WDR47: variants seen among roughly 807,000 people sequenced by gnomAD.
The protein encoded by WDR47 is WD repeat-containing protein 47.
In WDR47, 32 loss-of-function variants were observed where a neutral mutation model predicts 97.2. The observed-to-expected ratio is 0.33, with a 90% CI of 0.25 to 0.44. WDR47 has a LOEUF of 0.44. Among genes scored for constraint, WDR47 ranks in the 20% least tolerant of loss-of-function variants. The pLI is 1.00. For missense variants in WDR47, 782 were observed against 1,102.3 expected (o/e 0.71, Z 4.11); for synonymous variants, 375 against 373.5 (o/e 1.00, Z -0.05).
chr1:109,027,243 A>C (rs1662274963), intron 1 of WDR47, among the ~76,000 whole-genome samples: 1 of 151,738 alleles, frequency 6.6e-6, no homozygotes, highest in Non-Finnish European at 1.5e-5. Flanking sequence ...TTTAGTAGAG[A>C]CGGGGTTTCG....
Position 108,982,638 on chromosome 1 carries a change from T to C in WDR47, c.2237A>G (p.Gln746Arg), listed in dbSNP as rs1658434465. ...NIYTTDCQRG[Q>R]GLHALSGHTG... ...ATGTCCACTCAAAGCATGGAGGCCCTGTCCTCTTTGACAATCGGTTGTATA... is the reference window on the plus strand; with the variant it reads ...ATGTCCACTCAAAGCATGGAGGCCCCGTCCTCTTTGACAATCGGTTGTATA... Residue 746 changes from glutamine (Q) to arginine (R), a missense_variant, in exon 12 of 15, where the codon CAG becomes CGG. Coordinates refer to ENST00000369962, the MANE Select transcript of WDR47 (RefSeq NM_001142551.2). The C allele has an allele frequency of 6.2e-7, 1 of 1,611,924 alleles. No homozygotes were observed. The highest frequency in any genetic ancestry group is 8.5e-7 in the Non-Finnish European group (1 of 1,179,532).
At chr1:109,040,035 CAAAAAAA>C (rs71281820) in intron 1 of WDR47, among the ~76,000 whole-genome samples, 2 of 51,136 alleles carry the variant, frequency 3.9e-5, no homozygotes, top group Non-Finnish European at 8.0e-5. Flanking sequence ...GACTCCGTCT[CAAAAAAA>C]AAAAAAAAAA....
chr1:108,986,738 T>C, intron 9 of WDR47, 58 bp from the exon 10 acceptor site: 2 of 1,371,456 alleles, frequency 1.5e-6, no homozygotes, highest in South Asian at 2.9e-5. Context: ...AAAGAATTCA[T>C]CTTTCTCCCA....
intron 13 of WDR47, among the ~76,000 whole-genome samples, chr1:108,977,579 C>T (rs571019451): frequency 5.3e-5 from 8 of 152,262 alleles, no homozygotes; most frequent in African/African-American, 1.4e-4. Context: ...AGGCCAGGCG[C>T]GGTGGCTCAC....
At chr1:109,029,927 T>C (rs1490304129) in intron 1 of WDR47, 1 of 345,820 alleles carries the variant, frequency 2.9e-6, no homozygotes. Context: ...TAAAAATATA[T>C]TGACTCTGTG....
At chr1:109,002,503 T>C (rs1660294126) in intron 6 of WDR47, 101 bp from the exon 7 acceptor site, 2 of 967,152 alleles carry the variant, frequency 2.1e-6, no homozygotes, top group Non-Finnish European at 1.4e-6. Flanking sequence ...TACAATTAGC[T>C]ATATTTAACA....
chr1:109,037,068 G>A (rs1299559290), intron 1 of WDR47, among the ~76,000 whole-genome samples: 2 of 152,076 alleles, frequency 1.3e-5, no homozygotes, highest in Non-Finnish European at 2.9e-5. Flanking sequence ...GGTGGCTCAC[G>A]CCTGTAATCC....
chr1:109,000,710 C>CA (rs766467178), intron 7 of WDR47, among the ~76,000 whole-genome samples: 371 of 150,926 alleles, frequency 2.5e-3, no homozygotes, highest in Middle Eastern at 0.01. Flanking sequence ...AAAAACAAAA[C>CA]AAAAAAAACC....
intron 2 of WDR47, among the ~76,000 whole-genome samples, chr1:109,020,209 G>A (rs1661727257): frequency 6.6e-6 from 1 of 151,598 alleles, no homozygotes; most frequent in African/African-American, 2.4e-5. Flanking sequence ...TCAAAGGCAA[G>A]CCCTTTAAGA....
At chr1:109,016,620 T>C (rs1661438051) in intron 3 of WDR47, among the ~76,000 whole-genome samples, 1 of 151,936 alleles carries the variant, frequency 6.6e-6, no homozygotes, top group South Asian at 2.1e-4. Context: ...TCGGGACAAA[T>C]CTCTGGTATC....
intron 4 of WDR47, among the ~76,000 whole-genome samples, chr1:109,012,478 CAGG>C (rs1661104572): frequency 6.9e-6 from 1 of 144,714 alleles, no homozygotes; most frequent in African/African-American, 2.6e-5. Context: ...GAGGCTGAGG[CAGG>C]AGAATTGCTT....
At chr1:108,992,842 G>C in intron 8 of WDR47, 3 of 1,444,394 alleles carry the variant, frequency 2.1e-6, no homozygotes, top group Non-Finnish European at 2.9e-6. Context: ...AGTAAATTCA[G>C]CATTAAAATA....
chr1:109,024,477 C>A (rs1019829155), intron 1 of WDR47, among the ~76,000 whole-genome samples: 1 of 151,874 alleles, frequency 6.6e-6, no homozygotes, highest in Non-Finnish European at 1.5e-5. Flanking sequence ...GAAAAAAGTG[C>A]AACTTTAGTC....
chr1:108,981,701 T>G, intron 13 of WDR47, 32 bp downstream of exon 13: 3 of 1,577,414 alleles, frequency 1.9e-6, no homozygotes, highest in Non-Finnish European at 2.6e-6. Context: ...CAAAGTTTTT[T>G]TCCCATATAT....
Position 109,004,843 on chromosome 1 carries a change from T to C in WDR47, c.1131-128A>G, listed in dbSNP as rs1300774937. ...TGGAGTCTCTCTCTGTAGCCCCGAC[T>C]GGAGTGACGCAATCTCCGCTCACTG... On this transcript the variant is annotated intron_variant, in intron 5 of 14. Transcript: ENST00000369962. 4.3e-6 allele frequency: 5 copies of C among 1,175,468 alleles called. No homozygotes were observed. In the African/African-American group the frequency reaches 8.0e-5, roughly 19 times the overall value. 72.8% of individuals were successfully genotyped at this position (1,175,468 alleles called of 1,614,324 possible).
At chr1:108,981,966 T>C in intron 12 of WDR47, 102 bp from the exon 13 acceptor site, 1 of 1,279,784 alleles carries the variant, frequency 7.8e-7, no homozygotes, top group Non-Finnish European at 1.1e-6. Context: ...CTCATGCCTA[T>C]AATCCCAGCT....
intron 3 of WDR47, among the ~76,000 whole-genome samples, chr1:109,016,396 T>G (rs929498394): frequency 6.6e-6 from 1 of 151,964 alleles, no homozygotes; most frequent in Non-Finnish European, 1.5e-5. Context: ...AATGAGACCC[T>G]GTCTCAAAAA....
At chr1:108,981,389 G>A (rs1658335453) in intron 13 of WDR47, among the ~76,000 whole-genome samples, 1 of 152,032 alleles carries the variant, frequency 6.6e-6, no homozygotes. Flanking sequence ...CCAAGAAATA[G>A]GAATGGAAAG....
chr1:109,027,200 G>A lies in WDR47; in HGVS notation c.-9-3679C>T, dbSNP rs375397508. Among the ~76,000 whole-genome samples the A allele has an allele frequency of 4.1e-4, 63 of 151,952 alleles. No homozygotes were observed. In the South Asian group the frequency reaches 0.011, roughly 27 times the overall value. ...CTCCTGGGTAGCTGGGATTACAGGC[G>A]TGCACTTACACAACCGGCTAATTTT... is the stretch of plus-strand genomic sequence containing the variant. On this transcript the variant is annotated intron_variant, in intron 1 of 14. Transcript: ENST00000369962.
Sources: allele counts gnomAD v4.1 joint callset (sites outside exome capture counted in the v4.1 genomes callset), GRCh38; gene constraint gnomAD v4.1.1; transcripts MANE v1.5; gene names NCBI Gene and HGNC (gene_info 2026-07-23, HGNC 2026-07-21).